Variants in CHRM2 observed in about 807,000 individuals in gnomAD.
CHRM2 encodes the protein cholinergic receptor muscarinic 2.
CHRM2 carries 8 observed loss-of-function variants against 25.0 expected under a neutral mutation model. The observed-to-expected ratio is 0.32, with a 90% confidence interval of 0.19 to 0.58. CHRM2 has a LOEUF of 0.58. CHRM2 is among the 20% of genes least tolerant of loss of function. The probability of loss-of-function intolerance (pLI) is 0.88; values close to 1 mark genes in which losing one functional copy is unlikely to be tolerated. For synonymous variants in CHRM2, 202 were observed against 205.7 expected, an observed-to-expected ratio of 0.98 and a Z score of 0.15; for missense variants, 440 against 567.1, an observed-to-expected ratio of 0.78 and a Z score of 2.28.
chr7:137,011,643 C>T (rs1009401100), intron 3 of CHRM2, among the ~76,000 whole-genome samples: 7 of 152,086 alleles, frequency 4.6e-5, no homozygotes, highest in Non-Finnish European at 1.0e-4. Flanking sequence ...CAGACACATC[C>T]GAATTAATAT....
intron 2 of CHRM2, among the ~76,000 whole-genome samples, chr7:136,912,746 G>C (rs1007389894): frequency 1.3e-5 from 2 of 151,838 alleles, no homozygotes; most frequent in Admixed American, 1.3e-4. Flanking sequence ...ATTACAAAAA[G>C]ATAATTAAAA....
intron 2 of CHRM2, among the ~76,000 whole-genome samples, chr7:136,880,490 C>A (rs1306534954): frequency 6.6e-6 from 1 of 151,888 alleles, no homozygotes; most frequent in Admixed American, 6.6e-5. Context: ...TCCCAAATTC[C>A]TGAGTGTTCT....
At chr7:136,975,209 A>T (rs1802033680) in intron 2 of CHRM2, among the ~76,000 whole-genome samples, 1 of 152,218 alleles carries the variant, frequency 6.6e-6, no homozygotes. Flanking sequence ...TCAGCCTATA[A>T]GAAACAGCAA....
chr7:136,917,243 C>G (rs1481752493), intron 2 of CHRM2, among the ~76,000 whole-genome samples: 1 of 151,866 alleles, frequency 6.6e-6, no homozygotes, highest in Non-Finnish European at 1.5e-5. Context: ...CCTTGCCTCC[C>G]CTTTCTCCTC....
Position 137,016,835 on chromosome 7 carries a change from T to C in CHRM2, c.*569T>C, listed in dbSNP as rs757769927. The C allele has an allele frequency of 6.0e-6, 1 of 167,276 alleles. No homozygotes were observed. Among genetic ancestry groups the C allele is most frequent in the Non-Finnish European group, 1.5e-5 (1 of 68,324 alleles). 10.4% of individuals were successfully genotyped at this position (167,276 alleles called of 1,614,324 possible). A position where few individuals can be genotyped will look rare whatever the true frequency, so the allele number is the denominator to read the frequency against. ...GGATTGGAATGTAATAAATGCTTATTTTTTGCCTTTCTTTTTCCCACCATG... is the reference window on the plus strand; with the variant it reads ...GGATTGGAATGTAATAAATGCTTATCTTTTGCCTTTCTTTTTCCCACCATG... On this transcript the variant is annotated 3_prime_UTR_variant, in exon 4 of 4. Transcript: ENST00000680005.
intron 2 of CHRM2, among the ~76,000 whole-genome samples, chr7:136,912,167 C>G (rs965737398): frequency 6.6e-6 from 1 of 151,796 alleles, no homozygotes; most frequent in Non-Finnish European, 1.5e-5. Flanking sequence ...CTAACCCCTT[C>G]TCTTTCAATA....
At chr7:136,903,320 G>A in intron 2 of CHRM2, 1 of 519,484 alleles carries the variant, frequency 1.9e-6, no homozygotes, top group South Asian at 1.5e-5. Context: ...GAACTAAATG[G>A]GTGTCTTCTA....
Position 136,911,067 on chromosome 7 carries a change from A to T in CHRM2, c.-125+41649A>T, listed in dbSNP as rs377424533. On this transcript the variant is annotated intron_variant, in intron 2 of 3. Transcript: ENST00000680005. ...AGGCTTAGTTTAAGAGAAGAAACAG[A>T]ACCAACAGCCTTACTGTATAATGAT... Among the ~76,000 whole-genome samples, 6 of 151,948 alleles carry T rather than the reference A, an allele frequency of 3.9e-5. No individual in the cohort carries two copies. In the East Asian group the frequency reaches 1.2e-3, roughly 29 times the overall value.
chr7:136,979,785 G>C (rs1011210923), intron 2 of CHRM2, among the ~76,000 whole-genome samples: 1 of 152,096 alleles, frequency 6.6e-6, no homozygotes, highest in East Asian at 1.9e-4. Context: ...TGAGGCCTCT[G>C]TTCTGTTCCA....
chr7:136,886,143 A>T (rs1313415753), intron 2 of CHRM2, among the ~76,000 whole-genome samples: 1 of 152,240 alleles, frequency 6.6e-6, no homozygotes, highest in Non-Finnish European at 1.5e-5. Flanking sequence ...TTACCTAAAA[A>T]GGTAGTAAAA....
At chr7:136,930,262 A>G (rs1284061629) in intron 2 of CHRM2, among the ~76,000 whole-genome samples, 1 of 151,924 alleles carries the variant, frequency 6.6e-6, no homozygotes, top group Non-Finnish European at 1.5e-5. Flanking sequence ...GCAAAACCTC[A>G]ACTCTACTAA....
At chr7:136,903,426 A>G (rs1797349042) in intron 2 of CHRM2, 4 of 287,328 alleles carry the variant, frequency 1.4e-5, no homozygotes, top group Non-Finnish European at 2.8e-5. Flanking sequence ...AGTATTTGTT[A>G]TTTTTGTGGA....
rs543207199 is a variant in CHRM2, at chr7:136,897,642, G to T, written c.-125+28224G>T. Among the ~76,000 whole-genome samples, 7 of 151,780 alleles carry T rather than the reference G, an allele frequency of 4.6e-5. No homozygotes were observed. The East Asian group carries it at 1.4e-3, about 30-fold the overall frequency. The stretch of plus-strand genomic sequence containing the variant: ...GTAACTCAGAGTATAGTTAAAGGGT[G>T]GTGGATTGCACCATTATTCGAGCCA... On this transcript the variant is annotated intron_variant, in intron 2 of 3. Coordinates refer to ENST00000680005, the MANE Select transcript of CHRM2 (RefSeq NM_001006630.2).
Position 136,924,370 on chromosome 7 carries a change from C to T in CHRM2, c.-125+54952C>T, listed in dbSNP as rs562509358. Among the ~76,000 whole-genome samples, 372 of 139,764 alleles carry T rather than the reference C, an allele frequency of 2.7e-3. 3 individuals are homozygous for T. Among genetic ancestry groups the T allele is most frequent in the Non-Finnish European group, 4.4e-3 (284 of 64,736 alleles). 91.7% of individuals were successfully genotyped at this position (139,764 alleles called of 152,430 possible). On this transcript the variant is annotated intron_variant, in intron 2 of 3. Transcript: ENST00000680005. ...AATGCTATCCCTCCCCCCTCCCCCA[C>T]CCCACAACAGGCCCTGATGTGTGAT...
Position 136,951,817 on chromosome 7 carries a change from G to A in CHRM2, c.-124-40370G>A, listed in dbSNP as rs181107412. Among the ~76,000 whole-genome samples the A allele has an allele frequency of 9.2e-5, 14 of 152,260 alleles. No individual in the cohort carries two copies. In the East Asian group the frequency reaches 2.7e-3, roughly 29 times the overall value. On this transcript the variant is annotated intron_variant, in intron 2 of 3. Coordinates refer to ENST00000680005, the MANE Select transcript of CHRM2 (RefSeq NM_001006630.2). ...GTGAGAAGAGACCTGTTTTTCTACT[G>A]AAATGGCAACCTTTAATCTACATGC...
chr7:136,985,043 A>G (rs564808255), intron 2 of CHRM2, among the ~76,000 whole-genome samples: 1 of 152,258 alleles, frequency 6.6e-6, no homozygotes, highest in East Asian at 1.9e-4. Context: ...TTGTGGAACT[A>G]GTTAGTATTC....
rs764893658 is a variant in CHRM2, at chr7:137,015,885, T to C, written c.1020T>C (p.Thr340=). The C allele has an allele frequency of 6.2e-6, 10 of 1,612,936 alleles. No homozygotes were observed. In the Admixed American group the frequency reaches 1.0e-4, roughly 16 times the overall value. ...CAAAAAGTGACTCATGTACCCCAAC[T>C]AATACCACCGTGGAGGTAGTGGGGT... ...KTPKSDSCTP[T]NTTVEVVGSS... The change falls in exon 4 of 4, where the codon ACT becomes ACC. Residue 340 remains threonine, a synonymous_variant. Transcript: ENST00000680005. The surrounding 1 kb of genome is among the most constrained non-coding windows in gnomAD (Gnocchi z 5.1).
At chr7:136,939,103 A>G (rs1799611247) in intron 2 of CHRM2, among the ~76,000 whole-genome samples, 1 of 152,150 alleles carries the variant, frequency 6.6e-6, no homozygotes, top group Non-Finnish European at 1.5e-5. Context: ...TTTCTGTTCC[A>G]CTGGGCCATG....
Position 137,015,267 on chromosome 7 carries a change from G to A in CHRM2, c.402G>A (p.Lys134=), listed in dbSNP as rs868734955. The A allele has an allele frequency of 6.2e-7, 1 of 1,613,336 alleles. No individual in the cohort carries two copies. The highest frequency in any genetic ancestry group is 1.3e-5 in the African/African-American group (1 of 74,944). Residue 134 remains lysine, a synonymous_variant, in exon 4 of 4, where the codon AAG becomes AAA. Coordinates refer to ENST00000680005, the MANE Select transcript of CHRM2 (RefSeq NM_001006630.2). The surrounding 1 kb of genome is among the most constrained non-coding windows in gnomAD (Gnocchi z 5.1). ...CAAAACCTCTGACCTACCCAGTCAA[G>A]CGGACCACAAAAATGGCAGGTATGA... ...CVTKPLTYPV[K]RTTKMAGMMI...
Sources: gnomAD v4.1 joint callset for allele counts (sites outside exome capture counted in the v4.1 genomes callset) on GRCh38, gnomAD v4.1.1 for gene constraint, Gnocchi (gnomAD v3.1) non-coding constraint, MANE v1.5 for transcripts, NCBI Gene and HGNC (gene_info 2026-07-23, HGNC 2026-07-21) for gene names.